The following TNFRSF13B variants were observed in gnomAD, a reference collection of about 807,000 sequenced individuals.
TNFRSF13B encodes the protein TNF receptor superfamily member 13B, also known as tumor necrosis factor receptor superfamily member 13B.
A neutral mutation model predicts 24.0 loss-of-function variants in TNFRSF13B; 34 were observed. The ratio of observed to expected loss-of-function variants is 1.41; its 90% CI spans 1.08 to 1.88. The LOEUF is 1.88. TNFRSF13B is among the 40% of genes most tolerant of loss of function. The pLI is 0.00. For synonymous variants in TNFRSF13B, 173 were observed against 150.3 expected (o/e 1.15, Z -1.10); for missense variants, 415 against 380.8 (o/e 1.09, Z -0.75).
intron 1 of TNFRSF13B, 105 bp from the exon 2 acceptor site, chr17:16,952,688 A>G (rs574719483): frequency 3.9e-6 from 6 of 1,538,640 alleles, no homozygotes; most frequent in Admixed American, 3.6e-5. Flanking sequence ...CGCACAGACA[A>G]CCTTTCTGTC....
intron 1 of TNFRSF13B, among the ~76,000 whole-genome samples, chr17:16,966,405 A>G (rs1314790578): frequency 6.6e-6 from 1 of 152,242 alleles, no homozygotes; most frequent in Non-Finnish European, 1.5e-5. Flanking sequence ...GCAGAAAAAT[A>G]AAGAGCTACC....
At chr17:16,942,014 G>C (rs558969792) in intron 3 of TNFRSF13B, among the ~76,000 whole-genome samples, 30 of 152,222 alleles carry the variant, frequency 2.0e-4, no homozygotes, top group African/African-American at 7.2e-4. Context: ...TGGGCATTTG[G>C]GTTGCTTCCA....
chr17:16,939,815 G>A lies in TNFRSF13B; in HGVS notation c.632-18C>T, dbSNP rs1275624821. ...CGCGTGATCTGCAGAGGCGAGAGTG[G>A]AGGGCGTGGGCCAGGCCTGGCCCTG... On this transcript the variant is annotated intron_variant, in intron 4 of 4. Coordinates refer to ENST00000261652, the MANE Select transcript of TNFRSF13B (RefSeq NM_012452.3). The A allele has an allele frequency of 6.2e-7, 1 of 1,608,576 alleles. No homozygotes were observed. Among genetic ancestry groups the A allele is most frequent in the Admixed American group, 1.7e-5 (1 of 59,808 alleles).
At chr17:16,968,154 AAAG>A (rs201088631) in intron 1 of TNFRSF13B, among the ~76,000 whole-genome samples, 42,427 of 132,020 alleles carry the variant, frequency 0.32, 7,834 homozygotes, top group Non-Finnish European at 0.43. Context: ...AAAAAAAAAA[AAAG>A]AAAAAAGAAA....
chr17:16,952,666 C>G, intron 1 of TNFRSF13B, 83 bp from the exon 2 acceptor site: 1 of 1,598,364 alleles, frequency 6.3e-7, no homozygotes, highest in Non-Finnish European at 8.5e-7. Flanking sequence ...GACGGCCTCT[C>G]CTGCCCACAT....
intron 2 of TNFRSF13B, among the ~76,000 whole-genome samples, chr17:16,950,075 G>A (rs1371450986): frequency 6.6e-6 from 1 of 152,008 alleles, no homozygotes; most frequent in African/African-American, 2.4e-5. Context: ...CTTTTGAGAT[G>A]TCCTGACTTC....
chr17:16,941,828 A>C (rs2087512260), intron 3 of TNFRSF13B, among the ~76,000 whole-genome samples: 3 of 152,084 alleles, frequency 2.0e-5, no homozygotes, highest in African/African-American at 7.2e-5. Flanking sequence ...GGATTTGCCT[A>C]TTCCAGACAT....
chr17:16,954,159 T>C (rs2143665338), intron 1 of TNFRSF13B, among the ~76,000 whole-genome samples: 1 of 151,796 alleles, frequency 6.6e-6, no homozygotes, highest in Non-Finnish European at 1.5e-5. Flanking sequence ...TTTTGGGAGG[T>C]AGAGGTGGGA....
chr17:16,939,455 CT>C lies in TNFRSF13B; in HGVS notation c.*91del. 1 of 1,414,600 alleles carries C rather than the reference CT, an allele frequency of 7.1e-7. No homozygotes were observed. The highest frequency in any genetic ancestry group is 2.5e-5 in the East Asian group (1 of 39,250). The allele number at this position is 1,414,600 out of a possible 1,614,324, so 87.6% of individuals were successfully genotyped here. ...CCCTCTCTGCCTCCTCTGTCTCTCT[CT>C]CCTCATATCTCTCTCCCCTCTCCCC... On this transcript the variant is annotated 3_prime_UTR_variant, in exon 5 of 5. Transcript: ENST00000261652.
intron 2 of TNFRSF13B, among the ~76,000 whole-genome samples, chr17:16,952,011 G>A (rs1445776776): frequency 1.3e-5 from 2 of 152,154 alleles, no homozygotes; most frequent in Non-Finnish European, 2.9e-5. Flanking sequence ...GGGTGCAGAG[G>A]GCGTCATTGT....
chr17:16,948,702 G>A (rs1403465064), intron 3 of TNFRSF13B, 36 bp downstream of exon 3: 1 of 1,612,732 alleles, frequency 6.2e-7, no homozygotes, highest in Non-Finnish European at 8.5e-7. Flanking sequence ...TTCTCACCCT[G>A]CGTGACACCA....
chr17:16,942,615 A>G (rs553087861), intron 3 of TNFRSF13B, among the ~76,000 whole-genome samples: 2 of 152,220 alleles, frequency 1.3e-5, no homozygotes, highest in Admixed American at 6.5e-5. Flanking sequence ...CTCAAATCAA[A>G]TGCAAACACT....
At chr17:16,963,036 T>C (rs1342324274) in intron 1 of TNFRSF13B, among the ~76,000 whole-genome samples, 1 of 152,190 alleles carries the variant, frequency 6.6e-6, no homozygotes, top group Non-Finnish European at 1.5e-5. Flanking sequence ...GCAGCCCTGC[T>C]TGGAACCCTG....
At chr17:16,941,459 G>C (rs1394928415) in intron 3 of TNFRSF13B, 1 of 987,524 alleles carries the variant, frequency 1.0e-6, no homozygotes, top group Admixed American at 6.1e-5. Flanking sequence ...TGTCCCTGGA[G>C]CTGGGCATCC....
At position 16,940,384 on chromosome 17, in the gene TNFRSF13B, A is replaced by AT. The variant is rs769165409; in HGVS notation, c.572dup (p.Asp191GlufsTer46). On this transcript the variant is annotated frameshift_variant, in exon 4 of 5. Transcript: ENST00000261652. LOFTEE classifies it high-confidence loss of function. ...TTGAGCGGGGCTGGCAGGAGCAGGG[A>AT]TCCCCCCTCTTCTTGAGGAAGCAGG... 1.9e-5 allele frequency: 30 copies of AT among 1,613,992 alleles called. No homozygotes were observed. The East Asian group carries it at 6.5e-4, about 35-fold the overall frequency.
intron 2 of TNFRSF13B, among the ~76,000 whole-genome samples, chr17:16,951,164 T>C (rs899567801): frequency 3.9e-5 from 6 of 152,212 alleles, no homozygotes; most frequent in Non-Finnish European, 8.8e-5. Context: ...AACCAGGATG[T>C]CGCTGTGACA....
chr17:16,964,703 C>T (rs565506934), intron 1 of TNFRSF13B, among the ~76,000 whole-genome samples: 2 of 152,258 alleles, frequency 1.3e-5, no homozygotes, highest in South Asian at 4.1e-4. Flanking sequence ...GTCAAGTCAC[C>T]TTCTCAGTTT....
chr17:16,966,545 T>C (rs142723343), intron 1 of TNFRSF13B, among the ~76,000 whole-genome samples: 2,095 of 152,320 alleles, frequency 0.014, 26 homozygotes, highest in Admixed American at 0.026. Context: ...CATGCTGAGA[T>C]TGTTAAAACT....
intron 3 of TNFRSF13B, among the ~76,000 whole-genome samples, chr17:16,942,015 G>A (rs1045464161): frequency 1.4e-4 from 21 of 152,158 alleles, no homozygotes; most frequent in African/African-American, 4.1e-4. Context: ...GGGCATTTGG[G>A]TTGCTTCCAC....
Sources: allele counts gnomAD v4.1 joint callset (sites outside exome capture counted in the v4.1 genomes callset), GRCh38; gene constraint gnomAD v4.1.1; transcripts MANE v1.5; gene names NCBI Gene and HGNC (gene_info 2026-07-23, HGNC 2026-07-21).